Variants in SEMA6A observed in about 807,000 individuals in gnomAD.
The protein encoded by SEMA6A is semaphorin-6A.
Under a neutral mutation model 96.8 loss-of-function variants are expected in SEMA6A, and 25 were observed. The observed-to-expected ratio is 0.26, with a 90% confidence interval of 0.19 to 0.36. The LOEUF (loss-of-function observed/expected upper bound fraction) is 0.36, where lower values mean the gene tolerates loss of function less well. Ranked by LOEUF, SEMA6A falls within the 10% of genes least tolerant of loss-of-function variation. SEMA6A has a pLI of 1.00. For missense variants in SEMA6A, 1,363 were observed against 1,323.1 expected, an observed-to-expected ratio of 1.03 and a Z score of -0.47; for synonymous variants, 612 against 518.0, an observed-to-expected ratio of 1.18 and a Z score of -2.46.
intron 1 of SEMA6A, among the ~76,000 whole-genome samples, chr5:116,514,194 T>C (rs1196509718): frequency 6.6e-6 from 1 of 152,208 alleles, no homozygotes; most frequent in Non-Finnish European, 1.5e-5. Flanking sequence ...CCTCTGTCTT[T>C]GAGCAATCAC....
chr5:116,528,370 A>ATG (rs1759319504), intron 1 of SEMA6A, among the ~76,000 whole-genome samples: 1 of 152,136 alleles, frequency 6.6e-6, no homozygotes, highest in East Asian at 1.9e-4. Flanking sequence ...TTGCTGACCA[A>ATG]TGCCTCCTGC....
chr5:116,507,252 A>G (rs1309972856), intron 1 of SEMA6A, among the ~76,000 whole-genome samples: 1 of 152,236 alleles, frequency 6.6e-6, no homozygotes, highest in Non-Finnish European at 1.5e-5. Flanking sequence ...AGTATTGGTT[A>G]ATCTTGGTCA....
chr5:116,534,765 G>A (rs1759636611), intron 1 of SEMA6A, among the ~76,000 whole-genome samples: 1 of 152,218 alleles, frequency 6.6e-6, no homozygotes, highest in South Asian at 2.1e-4. Context: ...CTTGGATCAT[G>A]TCCCTTTTTT....
intron 1 of SEMA6A, among the ~76,000 whole-genome samples, chr5:116,534,317 T>C (rs1020174350): frequency 2.0e-5 from 3 of 152,344 alleles, no homozygotes; most frequent in Middle Eastern, 3.4e-3. Context: ...AATCAGACCA[T>C]GTCACTCACC....
chr5:116,488,759 T>C, intron 8 of SEMA6A, 129 bp downstream of exon 8: 5 of 1,172,934 alleles, frequency 4.3e-6, no homozygotes, highest in Non-Finnish European at 4.5e-6. Context: ...AGATGCAATT[T>C]ACATGTTTCT....
chr5:116,563,828 C>T (rs1383125032), intron 1 of SEMA6A, among the ~76,000 whole-genome samples: 1 of 152,182 alleles, frequency 6.6e-6, no homozygotes, highest in African/African-American at 2.4e-5. Context: ...ATGAACAGAA[C>T]CTATTTTCTT....
chr5:116,557,431 C>G (rs1394893290), intron 1 of SEMA6A, among the ~76,000 whole-genome samples: 1 of 152,194 alleles, frequency 6.6e-6, no homozygotes, highest in Non-Finnish European at 1.5e-5. Context: ...AGGCTTGTCT[C>G]AAACTCCCGG....
At chr5:116,495,714 C>G in intron 5 of SEMA6A, 200 bp from the exon 6 acceptor site, 1 of 527,138 alleles carries the variant, frequency 1.9e-6, no homozygotes, top group Non-Finnish European at 3.4e-6. Context: ...TAAATAAAAA[C>G]AAAGCATAGA....
At chr5:116,512,662 C>T (rs1580457897) in intron 1 of SEMA6A, among the ~76,000 whole-genome samples, 1 of 151,782 alleles carries the variant, frequency 6.6e-6, no homozygotes, top group South Asian at 2.1e-4. Context: ...TCAGATGATT[C>T]TGTTATGTTC....
At chr5:116,551,953 C>T (rs913489666) in intron 1 of SEMA6A, among the ~76,000 whole-genome samples, 3 of 152,208 alleles carry the variant, frequency 2.0e-5, no homozygotes, top group Admixed American at 6.5e-5. Context: ...ATGTTTGTCA[C>T]AAGGATTCTC....
intron 1 of SEMA6A, among the ~76,000 whole-genome samples, chr5:116,522,165 G>A (rs1306202965): frequency 6.6e-6 from 1 of 152,154 alleles, no homozygotes. Context: ...GAGGGAGGAG[G>A]TGTAGGAGGT....
chr5:116,566,210 CGTAGAGGGGCAGAAGGGCTA>C (rs758454379), intron 1 of SEMA6A, among the ~76,000 whole-genome samples: 6 of 152,066 alleles, frequency 3.9e-5, no homozygotes, highest in Non-Finnish European at 7.4e-5. Context: ...GTCTTTGAAG[CGTAGAGGGGCAGAAGGGCTA>C]AGAAAGGCGT....
chr5:116,472,855 TAAAAA>T, intron 17 of SEMA6A: 3 of 1,339,220 alleles, frequency 2.2e-6, no homozygotes, highest in Admixed American at 3.1e-5. Context: ...TTCACGAATT[TAAAAA>T]AAAAAAAAAA....
At chr5:116,456,562 C>G (rs74812545) in intron 18 of SEMA6A, among the ~76,000 whole-genome samples, 5,718 of 152,232 alleles carry the variant, frequency 0.038, 357 homozygotes, top group African/African-American at 0.13. Flanking sequence ...AAGAATCAAC[C>G]CAATTTGCTT....
intron 10 of SEMA6A, among the ~76,000 whole-genome samples, chr5:116,482,944 C>T (rs775595611): frequency 6.6e-4 from 100 of 152,308 alleles, no homozygotes; most frequent in Non-Finnish European, 7.2e-4. Context: ...GGAGAGCGTT[C>T]TGTGTCACTA....
chr5:116,550,155 T>C (rs1009479665), intron 1 of SEMA6A: 6 of 152,208 alleles, frequency 3.9e-5, no homozygotes, highest in African/African-American at 1.4e-4. Flanking sequence ...TACATATCCA[T>C]TGATTACTTT....
chr5:116,494,559 G>A (rs1450820702), intron 6 of SEMA6A, among the ~76,000 whole-genome samples: 1 of 152,136 alleles, frequency 6.6e-6, no homozygotes, highest in Non-Finnish European at 1.5e-5. Flanking sequence ...CCTCATGCAT[G>A]GCAGGAACTT....
chr5:116,535,729 C>T lies in SEMA6A; in HGVS notation c.-38-30747G>A, dbSNP rs190622153. Reference sequence around the variant, plus strand: ...AGCTATTATATAGGTCATGTTATAACTGCAGGTGTGGAGCTTCTGCTCCAG... The same window carrying T: ...AGCTATTATATAGGTCATGTTATAATTGCAGGTGTGGAGCTTCTGCTCCAG... On this transcript the variant is annotated intron_variant, in intron 1 of 18. Transcript: ENST00000343348. 3.9e-5 allele frequency among the ~76,000 whole-genome samples: 6 copies of T among 152,320 alleles called. No individual in the cohort carries two copies. In the East Asian group the frequency reaches 1.2e-3, roughly 29 times the overall value.
rs1754091534 is a variant in SEMA6A, at chr5:116,444,891, G to A, written c.*1722C>T. On this transcript the variant is annotated 3_prime_UTR_variant, in exon 19 of 19. Transcript: ENST00000343348. The stretch of plus-strand genomic sequence containing the variant: ...CGCACCGCCTGCTCTCTAGCCAGTG[G>A]ACGCAGCAGAAAAGAGGAATGGGAC... 2 of 152,682 alleles carry A rather than the reference G, an allele frequency of 1.3e-5. No individual in the cohort carries two copies. The highest frequency in any genetic ancestry group is 2.9e-5 in the Non-Finnish European group (2 of 68,068). The allele number at this position is 152,682 out of a possible 1,614,324, so 9.5% of individuals were successfully genotyped here.
Sources: gnomAD v4.1 joint callset for allele counts (sites outside exome capture counted in the v4.1 genomes callset) on GRCh38, gnomAD v4.1.1 for gene constraint, MANE v1.5 for transcripts, NCBI Gene and HGNC (gene_info 2026-07-23, HGNC 2026-07-21) for gene names.